Variants in ACAD10 observed in about 807,000 individuals in gnomAD.
ACAD10 encodes the protein ACAD-10.
A neutral mutation model predicts 116.8 loss-of-function variants in ACAD10; 112 were observed. The observed-to-expected ratio is 0.96, with a 90% CI of 0.82 to 1.12. ACAD10 has a LOEUF of 1.12. ACAD10 is among the 50% of genes most tolerant of loss of function. The pLI, the probability that ACAD10 is intolerant of heterozygous loss-of-function variation, is 0.00. For synonymous variants in ACAD10, 486 were observed against 510.6 expected (o/e 0.95, Z 0.65); for missense variants, 1,259 against 1,350.2 (o/e 0.93, Z 1.06).
intron 13 of ACAD10, among the ~76,000 whole-genome samples, chr12:111,745,837 T>C (rs865773732): frequency 1.0e-3 from 139 of 136,098 alleles, no homozygotes; most frequent in African/African-American, 3.4e-3. Context: ...ATCTCTCTCT[T>C]TTTTTTTTTT....
chr12:111,707,093 T>TC (rs1337443494), intron 4 of ACAD10, among the ~76,000 whole-genome samples: 1 of 138,554 alleles, frequency 7.2e-6, no homozygotes, highest in Admixed American at 7.6e-5. Context: ...TTGGGTACTC[T>TC]CTTTTTTTTT....
At chr12:111,728,693 G>T (rs899602316) in intron 9 of ACAD10, among the ~76,000 whole-genome samples, 20 of 151,794 alleles carry the variant, frequency 1.3e-4, no homozygotes, top group Non-Finnish European at 2.8e-4. Flanking sequence ...TAGTTTTTTT[G>T]TTTGTTTGTT....
rs1555260230 is a variant in ACAD10, at chr12:111,745,019, C to T, written c.2091C>T (p.Pro697=). 4 of 1,613,604 alleles carry T rather than the reference C, an allele frequency of 2.5e-6. No individual in the cohort carries two copies. The highest frequency in any genetic ancestry group is 3.4e-6 in the Non-Finnish European group (4 of 1,179,990). Residue 697 remains proline (P), a synonymous_variant, in exon 13 of 21, where the codon CCC becomes CCT. Transcript: ENST00000313698. ...AGGCCTCAGCAGCCAGGTGGAGCCC[C>T]TCCCCACTGATCGAAGACCTCAAGG... ...SHQASAARWS[P]SPLIEDLKEK...
intron 12 of ACAD10, among the ~76,000 whole-genome samples, chr12:111,738,980 G>A (rs1397199300): frequency 8.7e-6 from 1 of 114,708 alleles, no homozygotes; most frequent in African/African-American, 3.3e-5. Context: ...TTATTATTCT[G>A]AAAATTGGAA....
chr12:111,723,422 A>T (rs1182316301), intron 8 of ACAD10, among the ~76,000 whole-genome samples: 3 of 99,178 alleles, frequency 3.0e-5, no homozygotes, highest in Admixed American at 1.1e-4. Flanking sequence ...CGGGGGGCTG[A>T]CCCCCCCGCC....
chr12:111,705,680 C>T, intron 3 of ACAD10, 58 bp from the exon 4 acceptor site: 1 of 1,485,238 alleles, frequency 6.7e-7, no homozygotes, highest in Non-Finnish European at 9.2e-7. Flanking sequence ...TTCTGTTGGC[C>T]ATGAGTGTTT....
intron 16 of ACAD10, chr12:111,747,809 C>T (rs1351367521): frequency 4.0e-6 from 4 of 994,134 alleles, no homozygotes; most frequent in East Asian, 1.8e-4. Context: ...TACAAGTAGC[C>T]GTGGAGCTTA....
chr12:111,705,846 G>T lies in ACAD10; in HGVS notation c.445G>T (p.Gly149Cys). 1 of 1,614,154 alleles carries T rather than the reference G, an allele frequency of 6.2e-7. No individual in the cohort carries two copies. The highest frequency in any genetic ancestry group is 8.5e-7 in the Non-Finnish European group (1 of 1,180,036). The change falls in exon 4 of 21, where the codon GGT becomes TGT. Residue 149 changes from glycine (G) to cysteine (C), a missense_variant. By Grantham distance (159) the Gly-to-Cys change is radical. Coordinates refer to ENST00000313698, the MANE Select transcript of ACAD10 (RefSeq NM_025247.6). ...TEAITQIRAK[G>C]LQTAVLSNNF... ...GGCCATAACTCAAATTCGGGCAAAA[G>T]GTCTTCAGACTGCAGTCTTGAGCAA...
rs764021499 is a variant in ACAD10 at position 111,709,490 on chromosome 12, C to T, written c.532-36C>T. On this transcript the variant is annotated intron_variant, in intron 4 of 20. Transcript: ENST00000313698. The stretch of plus-strand genomic sequence containing the variant: ...GCATGCATGTGGGAGCTCCACCTTT[C>T]GGGACATTCATCTCTCATTCCTGTC... 1.0e-5 allele frequency: 15 copies of T among 1,484,444 alleles called. 1 individual carries two copies. Among genetic ancestry groups the T allele is most frequent in the South Asian group, 6.9e-5 (5 of 71,950 alleles). 92.0% of individuals were successfully genotyped at this position (1,484,444 alleles called of 1,614,324 possible).
At position 111,723,830 on chromosome 12, in the gene ACAD10, C is replaced by T. The variant is rs544614931; in HGVS notation, c.1061+2091C>T. Among the ~76,000 whole-genome samples, 7 of 149,558 alleles carry T rather than the reference C, an allele frequency of 4.7e-5. No individual in the cohort carries two copies. In the South Asian group the frequency reaches 6.4e-4, roughly 14 times the overall value. The stretch of plus-strand genomic sequence containing the variant: ...GCGGAGGGCCTCCTCACTTCTCAGA[C>T]GGGGCGGTTGCCAGGCAGAGGGTCT... On this transcript the variant is annotated intron_variant, in intron 8 of 20. Transcript: ENST00000313698.
chr12:111,696,298 C>T (rs1160594776), intron 2 of ACAD10, among the ~76,000 whole-genome samples: 1 of 152,114 alleles, frequency 6.6e-6, no homozygotes, highest in African/African-American at 2.4e-5. Context: ...AGTGATCCTC[C>T]TGCCTTGGCC....
At chr12:111,706,842 C>T (rs12310926) in intron 4 of ACAD10, among the ~76,000 whole-genome samples, 3,899 of 149,098 alleles carry the variant, frequency 0.026, 184 homozygotes, top group African/African-American at 0.09. Flanking sequence ...GGCACCATCT[C>T]GGCTCACTGC....
chr12:111,721,923 T>A, intron 8 of ACAD10, 184 bp downstream of exon 8: 1 of 415,792 alleles, frequency 2.4e-6, no homozygotes, highest in Non-Finnish European at 4.3e-6. Context: ...AGTATATGCC[T>A]GCTTTAGGGA....
At chr12:111,756,064 AG>A (rs967012295) in intron 20 of ACAD10, 8 of 1,216,126 alleles carry the variant, frequency 6.6e-6, no homozygotes, top group South Asian at 3.3e-5. Context: ...TTTCCCATGC[AG>A]GGGGGCCGCC....
chr12:111,748,576 G>C, intron 17 of ACAD10, 101 bp downstream of exon 17: 1 of 1,304,376 alleles, frequency 7.7e-7, no homozygotes, highest in Non-Finnish European at 1.1e-6. Context: ...CACATCCCAC[G>C]TCTGAGGGTA....
intron 6 of ACAD10, among the ~76,000 whole-genome samples, chr12:111,714,661 C>G (rs1486068114): frequency 6.6e-6 from 1 of 151,446 alleles, no homozygotes. Flanking sequence ...GAGTCCATCT[C>G]AAAAACAAAA....
At chr12:111,718,124 A>C (rs78909946) in intron 7 of ACAD10, among the ~76,000 whole-genome samples, 2,300 of 116,936 alleles carry the variant, frequency 0.02, 69 homozygotes, top group African/African-American at 0.071. Context: ...ATCTTGGCTT[A>C]TTGCCACCTC....
At position 111,705,802 on chromosome 12, in the gene ACAD10, A is replaced by T; in HGVS notation, c.401A>T (p.Gln134Leu). Residue 134 changes from glutamine to leucine, a missense_variant, in exon 4 of 21, where the codon CAG (glutamine) becomes CTG (leucine). Gln to Leu is a moderately radical substitution (Grantham distance 113). Transcript: ENST00000313698. ...SLLTSERVAK[Q>L]FPVMTEAITQ... ...TTGACCAGTGAGCGAGTGGCAAAGC[A>T]GTTCCCAGTGATGACTGAGGCCATA... The T allele has an allele frequency of 6.2e-7, 1 of 1,614,204 alleles. No individual in the cohort carries two copies. Among genetic ancestry groups the T allele is most frequent in the East Asian group, 2.2e-5 (1 of 44,882 alleles).
intron 4 of ACAD10, among the ~76,000 whole-genome samples, chr12:111,708,163 A>T (rs895766555): frequency 2.6e-5 from 4 of 152,216 alleles, no homozygotes; most frequent in Non-Finnish European, 4.4e-5. Flanking sequence ...CTTTGCCAAG[A>T]AAGTAATAGA....
Sources: gnomAD v4.1 joint callset for allele counts (sites outside exome capture counted in the v4.1 genomes callset) on GRCh38, gnomAD v4.1.1 for gene constraint, MANE v1.5 for transcripts, NCBI Gene and HGNC (gene_info 2026-07-23, HGNC 2026-07-21) for gene names.